Variants in TRPC5 observed in about 807,000 individuals in gnomAD.
TRPC5 encodes transient receptor potential cation channel subfamily C member 5.
In TRPC5, 9 loss-of-function variants were observed where a neutral mutation model predicts 56.5. The observed-to-expected ratio is 0.16, with a 90% CI of 0.10 to 0.28. The LOEUF (loss-of-function observed/expected upper bound fraction) is 0.28, where lower values mean the gene tolerates loss of function less well. Among genes scored for constraint, TRPC5 ranks in the 10% least tolerant of loss-of-function variants. The pLI is 1.00. For synonymous variants in TRPC5, 282 were observed against 278.5 expected (o/e 1.01, Z -0.13); for missense variants, 469 against 748.9 (o/e 0.63, Z 4.36).
At chrX:111,823,923 A>G (rs1922107907) in intron 7 of TRPC5, among the ~76,000 whole-genome samples, 1 of 111,187 alleles carries the variant, frequency 9.0e-6, no homozygotes, top group South Asian at 3.9e-4. Flanking sequence ...TTCAGGTCGG[A>G]CAGACCTTAT....
intron 1 of TRPC5, among the ~76,000 whole-genome samples, chrX:111,960,008 A>C (rs940083525): frequency 4.5e-5 from 5 of 112,155 alleles, no homozygotes; most frequent in African/African-American, 1.6e-4. Flanking sequence ...ACTAGCCACA[A>C]GTGGCTATTT....
At chrX:111,966,324 G>A (rs1927574201) in intron 1 of TRPC5, among the ~76,000 whole-genome samples, 1 of 111,760 alleles carries the variant, frequency 8.9e-6, no homozygotes, top group Non-Finnish European at 1.9e-5. Flanking sequence ...ATCTGAAATT[G>A]TGGCAATAAT....
At chrX:111,836,389 A>G (rs1349672592) in intron 6 of TRPC5, among the ~76,000 whole-genome samples, 7 of 111,690 alleles carry the variant, frequency 6.3e-5, no homozygotes, top group Non-Finnish European at 1.1e-4. Context: ...AGCACAATGT[A>G]TTTTGAGAGT....
At chrX:112,044,370 G>T (rs954094396) in intron 1 of TRPC5, among the ~76,000 whole-genome samples, 12 of 111,511 alleles carry the variant, frequency 1.1e-4, no homozygotes, top group Non-Finnish European at 2.1e-4. Context: ...AATTAGAAAA[G>T]ACAATTATCA....
At chrX:111,908,811 G>A (rs961644800) in intron 3 of TRPC5, among the ~76,000 whole-genome samples, 4 of 111,802 alleles carry the variant, frequency 3.6e-5, no homozygotes, top group African/African-American at 1.3e-4. Context: ...GAATAGTTAA[G>A]AGGTGCTACT....
intron 2 of TRPC5, among the ~76,000 whole-genome samples, chrX:111,942,446 C>A (rs1304947567): frequency 8.9e-6 from 1 of 111,875 alleles, no homozygotes; most frequent in Non-Finnish European, 1.9e-5. Flanking sequence ...GGTAGCATTT[C>A]TGATGATTCC....
intron 7 of TRPC5, among the ~76,000 whole-genome samples, chrX:111,819,992 A>G (rs1921982721): frequency 8.9e-6 from 1 of 112,131 alleles, no homozygotes; most frequent in African/African-American, 3.2e-5. Flanking sequence ...TGAGGATCGA[A>G]TAAGACAATA....
intron 3 of TRPC5, among the ~76,000 whole-genome samples, chrX:111,897,798 G>C (rs1925140281): frequency 9.0e-6 from 1 of 110,989 alleles, no homozygotes; most frequent in Non-Finnish European, 1.9e-5. Flanking sequence ...AGTTACCTGA[G>C]CTCTTTCTAC....
rs796194569 is a variant in TRPC5, at chrX:111,789,852, CAAT to C, written c.1897-7717_1897-7715del. Reference sequence around the variant, plus strand: ...ATCAGAGAAATGCAAATCAAAACCACAATAAGATACCATCTCATGCCAGTTAGA... The same window carrying C: ...ATCAGAGAAATGCAAATCAAAACCACAAGATACCATCTCATGCCAGTTAGA... On this transcript the variant is annotated intron_variant, in intron 7 of 10. Transcript: ENST00000262839. Among the ~76,000 whole-genome samples the C allele has an allele frequency of 8.0e-5, 9 of 112,551 alleles. No individual in the cohort carries two copies. The East Asian group carries it at 1.7e-3, about 21-fold the overall frequency.
rs922721564 is a variant in TRPC5, at chrX:112,016,948, T to C, written c.-21-64507A>G. Among the ~76,000 whole-genome samples, 3 of 112,399 alleles carry C rather than the reference T, an allele frequency of 2.7e-5. No homozygotes were observed. The East Asian group carries it at 8.4e-4, about 31-fold the overall frequency. On this transcript the variant is annotated intron_variant, in intron 1 of 10. Coordinates refer to ENST00000262839, the MANE Select transcript of TRPC5 (RefSeq NM_012471.3). The stretch of plus-strand genomic sequence containing the variant: ...GGTAATCCGTGTAAAGCACTTAGCT[T>C]GGCACATTTTAAGTACTTAATACGT...
chrX:111,840,283 TC>T (rs2148580040), intron 6 of TRPC5, among the ~76,000 whole-genome samples: 1 of 112,503 alleles, frequency 8.9e-6, no homozygotes, highest in Non-Finnish European at 1.9e-5. Flanking sequence ...TGCTTCAGCC[TC>T]CCAAAGTGTT....
At chrX:111,972,485 CAA>C (rs1178512601) in intron 1 of TRPC5, among the ~76,000 whole-genome samples, 1 of 111,873 alleles carries the variant, frequency 8.9e-6, no homozygotes, top group Non-Finnish European at 1.9e-5. Context: ...GTATGAGGCA[CAA>C]GAGAGAGCGA....
At chrX:112,045,246 C>T (rs1929989241) in intron 1 of TRPC5, among the ~76,000 whole-genome samples, 1 of 111,574 alleles carries the variant, frequency 9.0e-6, no homozygotes, top group African/African-American at 3.3e-5. Flanking sequence ...AACAGGGGGA[C>T]AGAGGGAGAT....
chrX:111,844,460 CTTTTTTT>C (rs746423281), intron 6 of TRPC5, among the ~76,000 whole-genome samples: 2 of 95,378 alleles, frequency 2.1e-5, no homozygotes, highest in Admixed American at 1.1e-4. Flanking sequence ...TTCTTTCTTT[CTTTTTTT>C]TTTTTTTTTG....
chrX:112,024,136 AC>A (rs1929356962), intron 1 of TRPC5, among the ~76,000 whole-genome samples: 2 of 111,863 alleles, frequency 1.8e-5, no homozygotes, highest in Non-Finnish European at 3.8e-5. Context: ...ATCTCCCTTT[AC>A]AAAAAGAAGA....
intron 2 of TRPC5, among the ~76,000 whole-genome samples, chrX:111,921,960 C>A (rs1385389092): frequency 2.7e-5 from 3 of 112,267 alleles, no homozygotes; most frequent in Non-Finnish European, 3.8e-5. Flanking sequence ...AAAACACTTG[C>A]AATGCAGCGA....
intron 1 of TRPC5, among the ~76,000 whole-genome samples, chrX:111,961,408 T>C (rs1255652268): frequency 1.8e-5 from 2 of 111,982 alleles, no homozygotes; most frequent in African/African-American, 6.5e-5. Context: ...TAATTATCTG[T>C]AATAACACTC....
At chrX:112,013,884 T>C (rs1381182970) in intron 1 of TRPC5, among the ~76,000 whole-genome samples, 2 of 111,615 alleles carry the variant, frequency 1.8e-5, no homozygotes, top group Non-Finnish European at 3.8e-5. Context: ...AAGGGCATCG[T>C]TGGGGTATAG....
chrX:112,035,087 T>A (rs1337218463), intron 1 of TRPC5, among the ~76,000 whole-genome samples: 2 of 95,222 alleles, frequency 2.1e-5, no homozygotes, highest in African/African-American at 9.2e-5. Flanking sequence ...CTTTTTTTTT[T>A]TTAAAAAAAA....
Sources: allele counts gnomAD v4.1 joint callset (sites outside exome capture counted in the v4.1 genomes callset), GRCh38; gene constraint gnomAD v4.1.1; transcripts MANE v1.5; gene names NCBI Gene and HGNC (gene_info 2026-07-23, HGNC 2026-07-21).